The following SNX4 variants were observed in gnomAD, a reference collection of about 807,000 sequenced individuals.
The protein encoded by SNX4 is sorting nexin-4.
A neutral mutation model predicts 70.8 loss-of-function variants in SNX4; 49 were observed. That is an observed-to-expected ratio of 0.69 (90% CI 0.55 to 0.88). The LOEUF is 0.88. SNX4 is among the 40% of genes least tolerant of loss of function. The pLI is 0.00. For synonymous variants in SNX4, 206 were observed against 183.8 expected (o/e 1.12, Z -0.98); for missense variants, 528 against 544.8 (o/e 0.97, Z 0.31).
intron 6 of SNX4, among the ~76,000 whole-genome samples, chr3:125,486,543 G>A (rs1033949419): frequency 1.3e-5 from 2 of 152,076 alleles, no homozygotes; most frequent in Admixed American, 6.6e-5. Context: ...GGAGAATGGC[G>A]TGAATCTGGG....
chr3:125,518,840 T>C (rs553614322), intron 1 of SNX4, among the ~76,000 whole-genome samples: 1 of 148,884 alleles, frequency 6.7e-6, no homozygotes, highest in Non-Finnish European at 1.5e-5. Flanking sequence ...CCATCCTTAC[T>C]AAAAACTAAA....
At chr3:125,482,879 A>C (rs1934446129) in intron 6 of SNX4, among the ~76,000 whole-genome samples, 1 of 152,136 alleles carries the variant, frequency 6.6e-6, no homozygotes, top group Non-Finnish European at 1.5e-5. Context: ...TTGGCTCCCA[A>C]TTAAGTAGAG....
chr3:125,520,042 CCA>C lies in SNX4; in HGVS notation c.129_130del (p.Val45ArgfsTer7). The C allele has an allele frequency of 6.4e-7, 1 of 1,566,778 alleles. No individual in the cohort carries two copies. The highest frequency in any genetic ancestry group is 8.6e-7 in the Non-Finnish European group (1 of 1,158,992). Reference sequence around the variant, plus strand: ...GCCCCTTCTCCTCACCGTGTCGACCCCAGAGCTCTCTTCTCCGGCCCCCTCCG... The same window carrying C: ...GCCCCTTCTCCTCACCGTGTCGACCCGAGCTCTCTTCTCCGGCCCCCTCCG... On this transcript the variant is annotated frameshift_variant, in exon 1 of 14. Coordinates refer to ENST00000251775, the MANE Select transcript of SNX4 (RefSeq NM_003794.4). LOFTEE classifies it high-confidence loss of function.
intron 6 of SNX4, among the ~76,000 whole-genome samples, chr3:125,488,345 G>A (rs879343690): frequency 6.6e-5 from 10 of 151,716 alleles, no homozygotes; most frequent in Non-Finnish European, 1.5e-4. Context: ...CGTTGTAGGG[G>A]GTGCCTATAA....
chr3:125,451,455 G>C, intron 12 of SNX4, 36 bp from the exon 13 acceptor site: 4 of 1,455,888 alleles, frequency 2.7e-6, no homozygotes, highest in Non-Finnish European at 2.9e-6. Context: ...TATTATTTAA[G>C]TTAAATAAAC....
intron 9 of SNX4, among the ~76,000 whole-genome samples, chr3:125,466,605 A>C (rs1339580538): frequency 6.6e-6 from 1 of 152,170 alleles, no homozygotes; most frequent in Admixed American, 6.6e-5. Flanking sequence ...TAAACAAATT[A>C]ACAGGCAAAA....
intron 2 of SNX4, among the ~76,000 whole-genome samples, chr3:125,502,087 T>G (rs1211134166): frequency 6.6e-6 from 1 of 152,202 alleles, no homozygotes; most frequent in Non-Finnish European, 1.5e-5. Flanking sequence ...AATATATCCT[T>G]TTTCATTGTA....
intron 11 of SNX4, among the ~76,000 whole-genome samples, 198 bp from the exon 12 acceptor site, chr3:125,454,153 C>T (rs899585290): frequency 2.0e-5 from 3 of 152,286 alleles, no homozygotes; most frequent in Admixed American, 6.5e-5. Context: ...TTATATGAGA[C>T]ACCAGTGTTT....
At chr3:125,474,846 C>T (rs898151943) in intron 8 of SNX4, among the ~76,000 whole-genome samples, 6 of 151,898 alleles carry the variant, frequency 4.0e-5, no homozygotes, top group Non-Finnish European at 8.8e-5. Flanking sequence ...TTAATTCCCC[C>T]CCACATGTCT....
intron 5 of SNX4, among the ~76,000 whole-genome samples, chr3:125,490,524 CAAAAA>C (rs1173858739): frequency 8.2e-5 from 4 of 48,900 alleles, no homozygotes; most frequent in African/African-American, 3.0e-4. Context: ...ACTCTGTCTC[CAAAAA>C]AAAAAAAAAA....
intron 6 of SNX4, 23 bp downstream of exon 6, chr3:125,489,385 C>T: frequency 1.9e-6 from 3 of 1,586,180 alleles, no homozygotes. Context: ...AACATTGTAA[C>T]TGTTATTAAA....
intron 6 of SNX4, among the ~76,000 whole-genome samples, 177 bp downstream of exon 6, chr3:125,489,231 A>G (rs1213463578): frequency 6.6e-6 from 1 of 152,144 alleles, no homozygotes; most frequent in East Asian, 1.9e-4. Flanking sequence ...TCACAATCAT[A>G]CCCCCAATCA....
At chr3:125,477,553 C>T (rs1934314191) in intron 7 of SNX4, among the ~76,000 whole-genome samples, 1 of 152,152 alleles carries the variant, frequency 6.6e-6, no homozygotes, top group South Asian at 2.1e-4. Flanking sequence ...TATACAGTTT[C>T]TAAGTATAAG....
At chr3:125,492,692 C>T (rs1282112248) in intron 5 of SNX4, among the ~76,000 whole-genome samples, 1 of 152,156 alleles carries the variant, frequency 6.6e-6, no homozygotes, top group Non-Finnish European at 1.5e-5. Context: ...TCTCCAATCA[C>T]TAAAATATAA....
At chr3:125,465,320 A>G (rs1933985659) in intron 9 of SNX4, among the ~76,000 whole-genome samples, 1 of 149,872 alleles carries the variant, frequency 6.7e-6, no homozygotes, top group South Asian at 2.1e-4. Context: ...ATCTCGATTC[A>G]CTGTAGCCTC....
chr3:125,495,277 T>TATATATATATATATATACAC, intron 5 of SNX4, among the ~76,000 whole-genome samples: 1,646 of 99,266 alleles, frequency 0.017, 76 homozygotes, highest in Middle Eastern at 0.028. Context: ...TATATATATA[T>TATATATATATATATATACAC]ACACATACAC....
At chr3:125,517,601 T>C (rs1471640970) in intron 1 of SNX4, among the ~76,000 whole-genome samples, 1 of 152,200 alleles carries the variant, frequency 6.6e-6, no homozygotes, top group Non-Finnish European at 1.5e-5. Flanking sequence ...TGTATGTTTG[T>C]TTAAACACCT....
In SNX4 at chr3:125,489,602, TA is replaced by T. The variant is rs558621502; in HGVS notation, c.598-140del. On this transcript the variant is annotated intron_variant, in intron 5 of 13. Coordinates refer to ENST00000251775, the MANE Select transcript of SNX4 (RefSeq NM_003794.4). ...TTGTTGTAAACACATTAAACATGCC[TA>T]AAAAAATAGCTTAGTAATTATTTTT... is the stretch of plus-strand genomic sequence containing the variant. The T allele has an allele frequency of 3.3e-4, 216 of 662,478 alleles. 1 individual carries two copies. The African/African-American group carries it at 3.3e-3, about 10-fold the overall frequency. 41.0% of individuals were successfully genotyped at this position (662,478 alleles called of 1,614,324 possible).
intron 7 of SNX4, among the ~76,000 whole-genome samples, chr3:125,478,916 G>C (rs1934344768): frequency 6.6e-6 from 1 of 152,118 alleles, no homozygotes; most frequent in Non-Finnish European, 1.5e-5. Context: ...CTAATACCCA[G>C]TTCTTGACTC....
Sources: allele counts gnomAD v4.1 joint callset (sites outside exome capture counted in the v4.1 genomes callset), GRCh38; gene constraint gnomAD v4.1.1; transcripts MANE v1.5; gene names NCBI Gene and HGNC (gene_info 2026-07-23, HGNC 2026-07-21).